The following SETD2 variants were observed in gnomAD, a reference collection of about 807,000 sequenced individuals.
The protein encoded by SETD2 is histone-lysine N-methyltransferase SETD2.
Under a neutral mutation model 242.1 loss-of-function variants are expected in SETD2, and 31 were observed. The observed-to-expected ratio is 0.13, with a 90% CI of 0.10 to 0.17. The LOEUF (loss-of-function observed/expected upper bound fraction) is 0.17, where lower values mean the gene tolerates loss of function less well. Ranked by LOEUF, SETD2 falls within the 10% of genes least tolerant of loss-of-function variation. The probability of loss-of-function intolerance (pLI) is 1.00; values close to 1 mark genes in which losing one functional copy is unlikely to be tolerated. For missense variants in SETD2, 2,481 were observed against 3,046.3 expected, an observed-to-expected ratio of 0.81 and a Z score of 4.37; for synonymous variants, 1,006 against 1,066.5, an observed-to-expected ratio of 0.94 and a Z score of 1.11.
intron 12 of SETD2, among the ~76,000 whole-genome samples, chr3:47,082,384 T>C (rs1339269664): frequency 1.3e-5 from 2 of 152,188 alleles, no homozygotes; most frequent in Non-Finnish European, 2.9e-5. Flanking sequence ...TCCACCTTCT[T>C]AACTGAGCTT....
At chr3:47,081,135 G>A in intron 12 of SETD2, 1 of 944,908 alleles carries the variant, frequency 1.1e-6, no homozygotes, top group Non-Finnish European at 1.3e-6. Flanking sequence ...GATCTGGGAG[G>A]ACAAAGAGTA....
In SETD2 at chr3:47,122,026, T is replaced by C. The variant is rs1184838235; in HGVS notation, c.2610A>G (p.Leu870=). 3.1e-6 allele frequency: 5 copies of C among 1,613,908 alleles called. No homozygotes were observed. Among genetic ancestry groups the C allele is most frequent in the South Asian group, 1.1e-5 (1 of 91,084 alleles). Reference sequence around the variant, plus strand: ...TACCTGAACTCCCAATAGGTTGATATAAATCATCAAAATGATTAACAGAAG... The same window carrying C: ...TACCTGAACTCCCAATAGGTTGATACAAATCATCAAAATGATTAACAGAAG... ...SSASVNHFDD[L]YQPIGSSGIA... is the part of the protein sequence containing the mutation. The change falls in exon 3 of 21, where the codon TTA becomes TTG. Residue 870 remains leucine, a synonymous_variant. Coordinates refer to ENST00000409792, the MANE Select transcript of SETD2 (RefSeq NM_014159.7).
At chr3:47,037,604 T>G in intron 18 of SETD2, 62 bp downstream of exon 18, 1 of 1,228,496 alleles carries the variant, frequency 8.1e-7, no homozygotes, top group Non-Finnish European at 1.2e-6. Flanking sequence ...CCCAAGACCA[T>G]GCGGGATGGT....
chr3:47,121,598 T>C lies in SETD2; in HGVS notation c.3038A>G (p.Asp1013Gly), dbSNP rs769034482. The change falls in exon 3 of 21, where the codon GAT (aspartate) becomes GGT (glycine). Residue 1013 changes from aspartate (D) to glycine (G), a missense_variant. By Grantham distance (94) the Asp-to-Gly change is moderately conservative. This residue lies in a region of SETD2 where 1,300 missense variants were observed against 1,259.2 expected (regional missense o/e 1.03). Transcript: ENST00000409792. ...CDLNLTMEDS[D>G]GVTYALKCDS... ...ACACTTTAATGCATAAGTTACACCA[T>C]CACTGTCTTCCATGGTTAAATTCAA... 3 of 1,614,162 alleles carry C rather than the reference T, an allele frequency of 1.9e-6. No individual in the cohort carries two copies. The highest frequency in any genetic ancestry group is 2.5e-6 in the Non-Finnish European group (3 of 1,180,026).
intron 9 of SETD2, among the ~76,000 whole-genome samples, chr3:47,097,580 C>G (rs2042056636): frequency 2.0e-5 from 3 of 152,158 alleles, no homozygotes; most frequent in African/African-American, 7.2e-5. Flanking sequence ...AGAGGATTTT[C>G]AGAGATTTGA....
chr3:47,145,433 C>T, intron 1 of SETD2: 1 of 325,492 alleles, frequency 3.1e-6, no homozygotes, highest in Non-Finnish European at 6.5e-6. Flanking sequence ...CTTTGTTGCC[C>T]AGGCTGGAGC....
At position 47,120,994 on chromosome 3, in the gene SETD2, A is replaced by G; in HGVS notation, c.3642T>C (p.Asn1214=). The part of the protein sequence containing the change: ...IYSSDFEDVP[N]KSWQQTTFQN... ...GGAAAGTGGTCTGTTGCCAAGACTT[A>G]TTTGGGACATCTTCAAAATCAGAAG... Residue 1214 remains asparagine (N), a synonymous_variant, in exon 3 of 21, where the codon AAT becomes AAC. Coordinates refer to ENST00000409792, the MANE Select transcript of SETD2 (RefSeq NM_014159.7). 6.2e-7 allele frequency: 1 copy of G among 1,614,194 alleles called. No homozygotes were observed. Among genetic ancestry groups the G allele is most frequent in the Non-Finnish European group, 8.5e-7 (1 of 1,180,016 alleles).
rs1199236790 is a variant in SETD2 at position 47,090,022 on chromosome 3, C to T, written c.5143-1775G>A. On this transcript the variant is annotated intron_variant, in intron 9 of 20. Transcript: ENST00000409792. ...CAGAACTCTGAAAGGCCAAGACAGG[C>T]GGATCACCTGAGGTCAGGAGTTCAA... Among the ~76,000 whole-genome samples, 4 of 152,146 alleles carry T rather than the reference C, an allele frequency of 2.6e-5. No homozygotes were observed. The East Asian group carries it at 5.8e-4, about 22-fold the overall frequency.
chr3:47,049,189 C>T (rs1327753059), intron 15 of SETD2, among the ~76,000 whole-genome samples: 2 of 151,502 alleles, frequency 1.3e-5, no homozygotes, highest in African/African-American at 2.4e-5. Flanking sequence ...AGTGATTCTC[C>T]TGCCTTGGCC....
intron 18 of SETD2, among the ~76,000 whole-genome samples, chr3:47,036,096 T>C (rs2038984931): frequency 6.6e-6 from 1 of 152,174 alleles, no homozygotes; most frequent in Admixed American, 6.5e-5. Flanking sequence ...CAAGAATGAA[T>C]TCATTTCTAC....
chr3:47,041,747 G>A (rs997510302), intron 17 of SETD2, among the ~76,000 whole-genome samples: 2 of 152,070 alleles, frequency 1.3e-5, no homozygotes, highest in South Asian at 2.1e-4. Context: ...TCTGAGTAGT[G>A]GCAGTTCCAG....
At position 47,121,039 on chromosome 3, in the gene SETD2, T is replaced by C; in HGVS notation, c.3597A>G (p.Gln1199=). The change falls in exon 3 of 21, where the codon CAA becomes CAG. Residue 1199 remains glutamine, a synonymous_variant. Transcript: ENST00000409792. ...CAGAAGAATAAATTGGCAGCTCTTC[T>C]TGCTGCCTAGAAGGTATTTTGGCTT... ...TVKAKIPSRQ[Q]EELPIYSSDF... The C allele has an allele frequency of 6.2e-7, 1 of 1,614,180 alleles. No homozygotes were observed. The highest frequency in any genetic ancestry group is 8.5e-7 in the Non-Finnish European group (1 of 1,180,004).
chr3:47,039,702 C>A (rs1404181027), intron 17 of SETD2, among the ~76,000 whole-genome samples: 4 of 78,920 alleles, frequency 5.1e-5, no homozygotes, highest in Non-Finnish European at 7.4e-5. Context: ...CCTGTCTCTA[C>A]CGAAAATACA....
At chr3:47,080,133 A>G (rs2041261510) in intron 12 of SETD2, among the ~76,000 whole-genome samples, 1 of 152,168 alleles carries the variant, frequency 6.6e-6, no homozygotes. Flanking sequence ...AGGCAACTCT[A>G]TGTTTTATTT....
chr3:47,051,746 C>T (rs1258922727), intron 15 of SETD2, among the ~76,000 whole-genome samples: 1 of 150,564 alleles, frequency 6.6e-6, no homozygotes, highest in Non-Finnish European at 1.5e-5. Flanking sequence ...AAAAAAATCA[C>T]CAGGGTAAAA....
chr3:47,098,779 G>A (rs941421964), intron 8 of SETD2, among the ~76,000 whole-genome samples: 1 of 152,108 alleles, frequency 6.6e-6, no homozygotes, highest in African/African-American at 2.4e-5. Flanking sequence ...CTGGGTGACA[G>A]AGTAAGACTC....
rs1013425608 is a variant in SETD2 at position 47,114,014 on chromosome 3, G to A, written c.4587-10C>T. ...TGGACACCGAGAAGAACTGAAATGA[G>A]AAAAGGAGGAAATTTAATTCTTTAA... On this transcript the variant is annotated splice_polypyrimidine_tract_variant and intron_variant, in intron 4 of 20. Coordinates refer to ENST00000409792, the MANE Select transcript of SETD2 (RefSeq NM_014159.7). The A allele has an allele frequency of 6.3e-7, 1 of 1,591,252 alleles. No homozygotes were observed. The highest frequency in any genetic ancestry group is 8.5e-7 in the Non-Finnish European group (1 of 1,173,540).
At chr3:47,153,239 AAG>A (rs1464626504) in intron 1 of SETD2, among the ~76,000 whole-genome samples, 5 of 152,232 alleles carry the variant, frequency 3.3e-5, no homozygotes, top group Non-Finnish European at 5.9e-5. Context: ...TTCCAAAGCT[AAG>A]AGACTCAAAT....
intron 6 of SETD2, 74 bp from the exon 7 acceptor site, chr3:47,103,497 T>C (rs2042292764): frequency 9.5e-7 from 1 of 1,050,066 alleles, no homozygotes; most frequent in Admixed American, 1.7e-5. Context: ...CAAAACTACA[T>C]ACATCTCTTA....
Sources: gnomAD v4.1 joint callset for allele counts (sites outside exome capture counted in the v4.1 genomes callset) on GRCh38, gnomAD v4.1.1 for gene constraint, gnomAD v4.1.1 regional missense constraint, MANE v1.5 for transcripts, NCBI Gene and HGNC (gene_info 2026-07-23, HGNC 2026-07-21) for gene names.